MNAT1: variants seen among roughly 807,000 people sequenced by gnomAD.
MNAT1 encodes the protein CDK-activating kinase assembly factor MAT1.
In MNAT1, 43 loss-of-function variants were observed where a neutral mutation model predicts 42.0. The ratio of observed to expected loss-of-function variants is 1.02; its 90% CI spans 0.80 to 1.32. MNAT1 has a LOEUF of 1.32. Among genes scored for constraint, MNAT1 ranks in the 40% most tolerant of loss-of-function variants. The pLI is 0.00. For missense variants in MNAT1, 306 were observed against 350.4 expected, an observed-to-expected ratio of 0.87 and a Z score of 1.01; for synonymous variants, 118 against 120.0, an observed-to-expected ratio of 0.98 and a Z score of 0.11.
At chr14:60,964,914 G>A (rs1007042706) in intron 7 of MNAT1, among the ~76,000 whole-genome samples, 6 of 152,056 alleles carry the variant, frequency 3.9e-5, no homozygotes, top group Non-Finnish European at 8.8e-5. Context: ...AATAATTAAA[G>A]GTTTTAAGAA....
chr14:60,913,536 C>A (rs1391039637), intron 7 of MNAT1, among the ~76,000 whole-genome samples: 2 of 152,118 alleles, frequency 1.3e-5, no homozygotes, highest in East Asian at 1.9e-4. Context: ...TTTTAGTTTT[C>A]CTTCTAACAG....
At position 60,799,703 on chromosome 14, in the gene MNAT1, T is replaced by A. The variant is rs185526242; in HGVS notation, c.316+1543T>A. Among the ~76,000 whole-genome samples, 1,448 of 150,272 alleles carry A rather than the reference T, an allele frequency of 9.6e-3. 12 individuals carry two copies. Among genetic ancestry groups the A allele is most frequent in the South Asian group, 0.023 (110 of 4,762 alleles). ...TGACTGAGCTATGATTAAAAAAATA[T>A]ATATATATATATACACACACACACT... On this transcript the variant is annotated intron_variant, in intron 3 of 7. Coordinates refer to ENST00000261245, the MANE Select transcript of MNAT1 (RefSeq NM_002431.4).
chr14:60,914,339 C>G (rs1384352986), intron 7 of MNAT1, among the ~76,000 whole-genome samples: 1 of 152,134 alleles, frequency 6.6e-6, no homozygotes, highest in Non-Finnish European at 1.5e-5. Flanking sequence ...GTCCTGCACC[C>G]ACTGTCCGGC....
intron 1 of MNAT1, among the ~76,000 whole-genome samples, chr14:60,739,966 C>T (rs1217346780): frequency 2.0e-5 from 3 of 152,106 alleles, no homozygotes; most frequent in African/African-American, 7.2e-5. Flanking sequence ...CCATCCTGGC[C>T]AACATAGTGA....
intron 7 of MNAT1, among the ~76,000 whole-genome samples, chr14:60,902,443 C>T: frequency 6.6e-6 from 1 of 152,056 alleles, no homozygotes; most frequent in East Asian, 1.9e-4. Context: ...TTATCTTTCT[C>T]AAAATATTCT....
At chr14:60,864,164 T>G (rs1566800940) in intron 6 of MNAT1, among the ~76,000 whole-genome samples, 2 of 152,048 alleles carry the variant, frequency 1.3e-5, no homozygotes, top group East Asian at 3.9e-4. Flanking sequence ...TTTCTAAAAA[T>G]GAATTGATAT....
rs1339430037 is a variant in MNAT1 at position 60,929,163 on chromosome 14, AAAAAAAAAT to A, written c.810-39064_810-39056del. ...CTCCATCTCCCAAAAAAAAAAAAAA[AAAAAAAAAT>A]ATATATATATATATATATATATGTA... is the stretch of plus-strand genomic sequence containing the variant. On this transcript the variant is annotated intron_variant, in intron 7 of 7. Coordinates refer to ENST00000261245, the MANE Select transcript of MNAT1 (RefSeq NM_002431.4). 1.5e-3 allele frequency among the ~76,000 whole-genome samples: 189 copies of A among 123,994 alleles called. 1 individual carries two copies. The highest frequency in any genetic ancestry group is 5.4e-3 in the African/African-American group (171 of 31,858). The allele number at this position is 123,994 out of a possible 152,430, so 81.3% of individuals were successfully genotyped here.
intron 6 of MNAT1, among the ~76,000 whole-genome samples, chr14:60,827,458 A>T (rs1322471462): frequency 6.6e-6 from 1 of 152,194 alleles, no homozygotes; most frequent in African/African-American, 2.4e-5. Flanking sequence ...TAACCTTGAT[A>T]AAATATGTGA....
intron 6 of MNAT1, among the ~76,000 whole-genome samples, chr14:60,822,834 G>A (rs1198725234): frequency 6.6e-6 from 1 of 152,018 alleles, no homozygotes; most frequent in Non-Finnish European, 1.5e-5. Flanking sequence ...TGGACTCCCT[G>A]CAACCTCTGT....
intron 1 of MNAT1, chr14:60,753,754 T>C (rs988329764): frequency 1.3e-5 from 2 of 152,160 alleles, no homozygotes; most frequent in East Asian, 3.8e-4. Flanking sequence ...CAACCACATA[T>C]GTATATTTAT....
At chr14:60,910,417 A>T (rs2035322226) in intron 7 of MNAT1, among the ~76,000 whole-genome samples, 1 of 152,122 alleles carries the variant, frequency 6.6e-6, no homozygotes, top group Admixed American at 6.5e-5. Context: ...TTCAAAGGGA[A>T]TGCTTCCAGT....
intron 7 of MNAT1, among the ~76,000 whole-genome samples, chr14:60,885,681 T>C (rs923912949): frequency 1.3e-5 from 2 of 152,088 alleles, no homozygotes; most frequent in African/African-American, 4.8e-5. Flanking sequence ...ATGTATAGTT[T>C]GTATAGTTTG....
rs181834016 is a variant in MNAT1, at chr14:60,942,369, T to C, written c.810-25860T>C. The stretch of plus-strand genomic sequence containing the variant: ...AACCCTAACTGGGGGATAGTAAGCT[T>C]TACTTACAGTGCCAAAAATCCTATC... On this transcript the variant is annotated intron_variant, in intron 7 of 7. Coordinates refer to ENST00000261245, the MANE Select transcript of MNAT1 (RefSeq NM_002431.4). 4.4e-4 allele frequency among the ~76,000 whole-genome samples: 67 copies of C among 152,136 alleles called. 1 individual carries two copies. Among genetic ancestry groups the C allele is most frequent in the African/African-American group, 1.6e-3 (66 of 41,522 alleles).
intron 7 of MNAT1, among the ~76,000 whole-genome samples, chr14:60,947,294 C>T (rs1566574364): frequency 6.6e-6 from 1 of 152,048 alleles, no homozygotes; most frequent in Non-Finnish European, 1.5e-5. Flanking sequence ...GTCCAGAGCC[C>T]TGATAATTTG....
chr14:60,843,093 A>T (rs1198981539), intron 6 of MNAT1, among the ~76,000 whole-genome samples: 1 of 152,196 alleles, frequency 6.6e-6, no homozygotes, highest in Non-Finnish European at 1.5e-5. Context: ...TTACTAGTAA[A>T]GCAGCTGGCT....
chr14:60,963,506 T>A (rs780635765), intron 7 of MNAT1, among the ~76,000 whole-genome samples: 14 of 152,222 alleles, frequency 9.2e-5, no homozygotes, highest in Non-Finnish European at 1.8e-4. Context: ...CTGGTTGTTT[T>A]TAAATCTCAC....
chr14:60,776,856 T>G (rs773811066), intron 1 of MNAT1, among the ~76,000 whole-genome samples: 3 of 152,152 alleles, frequency 2.0e-5, no homozygotes, highest in Admixed American at 1.3e-4. Flanking sequence ...TTTTGGTTTT[T>G]GTTTTTTTGA....
chr14:60,795,988 A>T (rs923414474), intron 1 of MNAT1, among the ~76,000 whole-genome samples: 2 of 152,148 alleles, frequency 1.3e-5, no homozygotes, highest in African/African-American at 4.8e-5. Flanking sequence ...TTTAATTTAT[A>T]AATTTGTTTG....
At chr14:60,817,393 C>G (rs1454992319) in intron 5 of MNAT1, among the ~76,000 whole-genome samples, 2 of 151,704 alleles carry the variant, frequency 1.3e-5, no homozygotes, top group Non-Finnish European at 3.0e-5. Context: ...TTGTTAAAGC[C>G]AGGTCTTAAT....
Sources: allele counts gnomAD v4.1 joint callset (sites outside exome capture counted in the v4.1 genomes callset), GRCh38; gene constraint gnomAD v4.1.1; transcripts MANE v1.5; gene names NCBI Gene and HGNC (gene_info 2026-07-23, HGNC 2026-07-21).